KCNH8: variants seen among roughly 807,000 people sequenced by gnomAD.
KCNH8 encodes the protein voltage-gated delayed rectifier potassium channel KCNH8.
Under a neutral mutation model 103.6 loss-of-function variants are expected in KCNH8, and 70 were observed. The observed-to-expected ratio is 0.68, with a 90% CI of 0.56 to 0.82. KCNH8 has a LOEUF of 0.82. Among genes scored for constraint, KCNH8 ranks in the 40% least tolerant of loss-of-function variants. The probability of loss-of-function intolerance (pLI) is 0.00; values close to 1 mark genes in which losing one functional copy is unlikely to be tolerated. For synonymous variants in KCNH8, 498 were observed against 489.4 expected (o/e 1.02, Z -0.23); for missense variants, 1,217 against 1,329.9 (o/e 0.92, Z 1.32).
At chr3:19,481,448 T>G (rs930031456) in intron 11 of KCNH8, among the ~76,000 whole-genome samples, 1 of 152,102 alleles carries the variant, frequency 6.6e-6, no homozygotes, top group Non-Finnish European at 1.5e-5. Flanking sequence ...AAGTTCTTCA[T>G]GTTGTGTAAA....
chr3:19,479,791 C>T (rs1356142099), intron 11 of KCNH8, among the ~76,000 whole-genome samples: 1 of 152,126 alleles, frequency 6.6e-6, no homozygotes, highest in Non-Finnish European at 1.5e-5. Flanking sequence ...ACGCTTCATT[C>T]ATATTCTCTT....
chr3:19,205,514 G>C (rs2063706090), intron 1 of KCNH8, among the ~76,000 whole-genome samples: 1 of 151,942 alleles, frequency 6.6e-6, no homozygotes, highest in African/African-American at 2.4e-5. Flanking sequence ...AGAGAAAACT[G>C]ATAAAACACC....
At chr3:19,185,223 C>T (rs893855065) in intron 1 of KCNH8, among the ~76,000 whole-genome samples, 1 of 151,760 alleles carries the variant, frequency 6.6e-6, no homozygotes, top group African/African-American at 2.4e-5. Flanking sequence ...TTTAGAGTGG[C>T]AATACAATTT....
At chr3:19,192,930 T>C (rs2063567123) in intron 1 of KCNH8, among the ~76,000 whole-genome samples, 1 of 151,650 alleles carries the variant, frequency 6.6e-6, no homozygotes, top group Non-Finnish European at 1.5e-5. Context: ...TACTGGAAAT[T>C]TAACCCAATC....
chr3:19,149,511 A>T (rs1207309315), intron 1 of KCNH8, among the ~76,000 whole-genome samples: 1 of 152,128 alleles, frequency 6.6e-6, no homozygotes, highest in Non-Finnish European at 1.5e-5. Context: ...ACAGTAGGAA[A>T]AAAAATAGAT....
At chr3:19,459,408 T>C (rs945590801) in intron 11 of KCNH8, among the ~76,000 whole-genome samples, 2 of 152,072 alleles carry the variant, frequency 1.3e-5, no homozygotes, top group Non-Finnish European at 2.9e-5. Context: ...TCTGGTCATC[T>C]GTTTTAAAAA....
At chr3:19,482,738 G>A (rs2068113699) in intron 11 of KCNH8, among the ~76,000 whole-genome samples, 1 of 152,134 alleles carries the variant, frequency 6.6e-6, no homozygotes. Context: ...TCAACTACTT[G>A]TCCTTGATCA....
intron 2 of KCNH8, among the ~76,000 whole-genome samples, chr3:19,264,182 G>A (rs527323336): frequency 3.9e-5 from 6 of 152,126 alleles, no homozygotes; most frequent in African/African-American, 1.4e-4. Context: ...GCATTCAAGA[G>A]GTGAATCTCA....
chr3:19,219,155 C>T (rs1293589666), intron 1 of KCNH8, among the ~76,000 whole-genome samples: 1 of 152,224 alleles, frequency 6.6e-6, no homozygotes, highest in East Asian at 1.9e-4. Flanking sequence ...TGTCTGTTCC[C>T]TCTGCCTAGA....
intron 1 of KCNH8, among the ~76,000 whole-genome samples, chr3:19,212,258 A>G (rs1014067309): frequency 6.6e-6 from 1 of 152,222 alleles, no homozygotes; most frequent in African/African-American, 2.4e-5. Context: ...AAGAGTGAAT[A>G]TTCTCACCAA....
At chr3:19,330,413 T>C (rs2065489908) in intron 3 of KCNH8, among the ~76,000 whole-genome samples, 1 of 152,226 alleles carries the variant, frequency 6.6e-6, no homozygotes, top group Admixed American at 6.5e-5. Context: ...ATTGTTCATA[T>C]GAGCTTGATG....
intron 11 of KCNH8, among the ~76,000 whole-genome samples, chr3:19,485,021 T>C (rs1325945530): frequency 6.6e-6 from 1 of 152,196 alleles, no homozygotes; most frequent in African/African-American, 2.4e-5. Flanking sequence ...GACATACTTT[T>C]TTAAAACTAT....
chr3:19,314,693 A>C (rs2065251123), intron 3 of KCNH8, among the ~76,000 whole-genome samples: 1 of 152,026 alleles, frequency 6.6e-6, no homozygotes, highest in Non-Finnish European at 1.5e-5. Flanking sequence ...GTTCTGTACA[A>C]CTTTATTTGC....
intron 10 of KCNH8, among the ~76,000 whole-genome samples, chr3:19,453,454 A>G (rs1255772376): frequency 5.9e-5 from 9 of 152,312 alleles, no homozygotes; most frequent in African/African-American, 2.2e-4. Context: ...AGAGAAAAAG[A>G]GAACTAATAT....
chr3:19,450,004 GCTC>G, intron 8 of KCNH8, 99 bp from the exon 9 acceptor site: 1 of 855,506 alleles, frequency 1.2e-6, no homozygotes, highest in Admixed American at 2.8e-5. Flanking sequence ...ATGTAACCAT[GCTC>G]TGCTCTGCTC....
intron 12 of KCNH8, among the ~76,000 whole-genome samples, chr3:19,511,656 C>G (rs2068784937): frequency 6.6e-6 from 1 of 151,948 alleles, no homozygotes; most frequent in African/African-American, 2.4e-5. Context: ...GAAAAACAAA[C>G]AAGAGTAACA....
intron 1 of KCNH8, among the ~76,000 whole-genome samples, chr3:19,223,852 A>G (rs1287851405): frequency 6.6e-6 from 1 of 152,208 alleles, no homozygotes; most frequent in Non-Finnish European, 1.5e-5. Context: ...TAAAGGTTAT[A>G]TAGATATTTC....
At chr3:19,373,258 G>A (rs1193387237) in intron 5 of KCNH8, among the ~76,000 whole-genome samples, 1 of 152,022 alleles carries the variant, frequency 6.6e-6, no homozygotes, top group Non-Finnish European at 1.5e-5. Flanking sequence ...TTTTTGGTTG[G>A]TAAGCTATTG....
At chr3:19,368,859 AT>A (rs1490833186) in intron 5 of KCNH8, among the ~76,000 whole-genome samples, 1 of 152,018 alleles carries the variant, frequency 6.6e-6, no homozygotes, top group Non-Finnish European at 1.5e-5. Flanking sequence ...AATTTTAAAA[AT>A]TTATTTTACT....
Sources: gnomAD v4.1 joint callset for allele counts (sites outside exome capture counted in the v4.1 genomes callset) on GRCh38, gnomAD v4.1.1 for gene constraint, MANE v1.5 for transcripts, NCBI Gene and HGNC (gene_info 2026-07-23, HGNC 2026-07-21) for gene names.